CNTN4: variants seen among roughly 807,000 people sequenced by gnomAD.
CNTN4 encodes the protein contactin-4.
A neutral mutation model predicts 122.5 loss-of-function variants in CNTN4; 77 were observed. The observed-to-expected ratio is 0.63, with a 90% CI of 0.52 to 0.76. CNTN4 has a LOEUF of 0.76. CNTN4 is among the 30% of genes least tolerant of loss of function. The pLI is 0.00. For missense variants in CNTN4, 1,256 were observed against 1,259.1 expected (o/e 1.00, Z 0.04); for synonymous variants, 512 against 447.0 (o/e 1.15, Z -1.83).
intron 2 of CNTN4, among the ~76,000 whole-genome samples, chr3:2,279,628 T>C (rs2149883772): frequency 6.6e-6 from 1 of 152,262 alleles, no homozygotes; most frequent in Middle Eastern, 3.4e-3. Flanking sequence ...ACTTATTTTG[T>C]CAAACCAGAT....
intron 3 of CNTN4, among the ~76,000 whole-genome samples, chr3:2,469,061 A>C (rs754988536): frequency 3.3e-5 from 5 of 152,182 alleles, no homozygotes; most frequent in Non-Finnish European, 5.9e-5. Flanking sequence ...TACTTAGATG[A>C]GAAGTGGTGT....
chr3:2,502,354 C>G (rs772331596), intron 3 of CNTN4, among the ~76,000 whole-genome samples: 7 of 152,090 alleles, frequency 4.6e-5, no homozygotes, highest in Middle Eastern at 3.2e-3. Context: ...AAAGTTTTTG[C>G]TTCATGTCTC....
chr3:2,777,144 C>T (rs7431580), intron 6 of CNTN4, among the ~76,000 whole-genome samples: 1 of 152,132 alleles, frequency 6.6e-6, no homozygotes, highest in Non-Finnish European at 1.5e-5. Context: ...CCACGCCCAG[C>T]TAACATCTTT....
intron 7 of CNTN4, among the ~76,000 whole-genome samples, chr3:2,854,002 G>A (rs1278744097): frequency 1.3e-5 from 2 of 152,174 alleles, no homozygotes; most frequent in East Asian, 3.9e-4. Flanking sequence ...CAAACTCATA[G>A]ATGATTAATC....
chr3:2,647,084 G>T (rs1176150924), intron 4 of CNTN4, among the ~76,000 whole-genome samples: 6 of 152,000 alleles, frequency 3.9e-5, no homozygotes, highest in Non-Finnish European at 8.8e-5. Flanking sequence ...TGTACTTAAG[G>T]TATTTAAAAA....
chr3:3,042,912 C>A lies in CNTN4; in HGVS notation c.2512-65C>A. The A allele has an allele frequency of 3.8e-6, 5 of 1,317,450 alleles. No homozygotes were observed. In the Admixed American group the frequency reaches 5.1e-5, roughly 14 times the overall value. 81.6% of individuals were successfully genotyped at this position (1,317,450 alleles called of 1,614,324 possible). A position where few individuals can be genotyped will look rare whatever the true frequency, so the allele number is the denominator to read the frequency against. On this transcript the variant is annotated intron_variant, in intron 21 of 24. Transcript: ENST00000418658. ...TCATAAGAATCTGCGTACAAAATTACCTGATGACATTGCAAATATCCCCAT... is the reference window on the plus strand; with the variant it reads ...TCATAAGAATCTGCGTACAAAATTAACTGATGACATTGCAAATATCCCCAT...
At chr3:3,024,366 C>G (rs1251775911) in intron 14 of CNTN4, among the ~76,000 whole-genome samples, 1 of 129,302 alleles carries the variant, frequency 7.7e-6, no homozygotes, top group South Asian at 2.8e-4. Context: ...AAGATTTGTA[C>G]TTACCTCTTT....
intron 3 of CNTN4, among the ~76,000 whole-genome samples, chr3:2,555,413 G>T (rs531864973): frequency 6.6e-6 from 1 of 152,144 alleles, no homozygotes; most frequent in African/African-American, 2.4e-5. Flanking sequence ...CAAGCACACC[G>T]ATTAATGAAT....
At chr3:2,371,730 C>G (rs933434655) in intron 3 of CNTN4, among the ~76,000 whole-genome samples, 2 of 152,106 alleles carry the variant, frequency 1.3e-5, no homozygotes, top group African/African-American at 4.8e-5. Flanking sequence ...ATGAATGAAT[C>G]AAGAAAAAGG....
intron 2 of CNTN4, among the ~76,000 whole-genome samples, chr3:2,106,076 T>A (rs1283198062): frequency 6.6e-6 from 1 of 152,234 alleles, no homozygotes; most frequent in African/African-American, 2.4e-5. Context: ...CAAGTTCAGG[T>A]CATGCTGATG....
chr3:2,207,566 C>T (rs192237503), intron 2 of CNTN4, among the ~76,000 whole-genome samples: 1 of 152,048 alleles, frequency 6.6e-6, no homozygotes, highest in East Asian at 1.9e-4. Flanking sequence ...TAATCCAGAG[C>T]CAGGAACGAA....
intron 2 of CNTN4, among the ~76,000 whole-genome samples, chr3:2,160,951 G>C (rs906142671): frequency 6.6e-6 from 1 of 151,922 alleles, no homozygotes; most frequent in African/African-American, 2.4e-5. Context: ...GTTTGGAGTT[G>C]GGAGAATAGA....
At chr3:2,224,543 T>C (rs2039192707) in intron 2 of CNTN4, among the ~76,000 whole-genome samples, 2 of 152,198 alleles carry the variant, frequency 1.3e-5, no homozygotes, top group African/African-American at 4.8e-5. Context: ...ACAGTTGTCA[T>C]ATATTTTTGC....
Position 2,105,701 on chromosome 3 carries a change from C to G in CNTN4, c.-145+5062C>G, listed in dbSNP as rs2032384016. Among the ~76,000 whole-genome samples, 8 of 152,176 alleles carry G rather than the reference C, an allele frequency of 5.3e-5. No individual in the cohort carries two copies. The South Asian group carries it at 1.7e-3, about 31-fold the overall frequency. The stretch of plus-strand genomic sequence containing the variant: ...TCAATTGATGAGATTTGCGTGGAGA[C>G]ACAGAGCCAAACCATATCATTCTGC... On this transcript the variant is annotated intron_variant, in intron 2 of 24. Transcript: ENST00000418658.
At chr3:2,913,737 A>G (rs563642958) in intron 12 of CNTN4, among the ~76,000 whole-genome samples, 2 of 152,324 alleles carry the variant, frequency 1.3e-5, no homozygotes, top group South Asian at 4.1e-4. Flanking sequence ...ATTTTCAATC[A>G]TGGATAGAAC....
intron 13 of CNTN4, among the ~76,000 whole-genome samples, chr3:2,947,237 C>A (rs1245868153): frequency 2.0e-5 from 3 of 152,088 alleles, no homozygotes; most frequent in African/African-American, 4.8e-5. Context: ...AAAATGTAGT[C>A]AAAAAGACCA....
intron 6 of CNTN4, among the ~76,000 whole-genome samples, chr3:2,775,654 C>G (rs891985011): frequency 6.6e-6 from 1 of 152,158 alleles, no homozygotes; most frequent in Non-Finnish European, 1.5e-5. Flanking sequence ...TTGCTGGCCT[C>G]AAGTGATCTG....
In CNTN4 at chr3:2,770,426, C is replaced by T. The variant is rs142762540; in HGVS notation, c.358+24729C>T. 1.6e-4 allele frequency among the ~76,000 whole-genome samples: 24 copies of T among 152,308 alleles called. No individual in the cohort carries two copies. In the East Asian group the frequency reaches 4.6e-3, roughly 29 times the overall value. On this transcript the variant is annotated intron_variant, in intron 6 of 24. Coordinates refer to ENST00000418658, the MANE Select transcript of CNTN4 (RefSeq NM_175607.3). Reference sequence around the variant, plus strand: ...TGCCTTTTGCACACACAAACCTTCCCTGGTGGGGGAGGGCCAAGGGCCCTC... The same window carrying T: ...TGCCTTTTGCACACACAAACCTTCCTTGGTGGGGGAGGGCCAAGGGCCCTC...
At position 2,842,264 on chromosome 3, in the gene CNTN4, G is replaced by A. The variant is rs541837041; in HGVS notation, c.454+22683G>A. On this transcript the variant is annotated intron_variant, in intron 7 of 24. Transcript: ENST00000418658. ...AATAATCCAAGTAAGAGATATTGGTGTCTTTATCTTGGGCAGTAGCTGTGG... is the reference window on the plus strand; with the variant it reads ...AATAATCCAAGTAAGAGATATTGGTATCTTTATCTTGGGCAGTAGCTGTGG... Among the ~76,000 whole-genome samples, 5 of 152,258 alleles carry A rather than the reference G, an allele frequency of 3.3e-5. No individual in the cohort carries two copies. The East Asian group carries it at 9.7e-4, about 29-fold the overall frequency.
Sources: gnomAD v4.1 joint callset for allele counts (sites outside exome capture counted in the v4.1 genomes callset) on GRCh38, gnomAD v4.1.1 for gene constraint, MANE v1.5 for transcripts, NCBI Gene and HGNC (gene_info 2026-07-23, HGNC 2026-07-21) for gene names.